Variants in NSUN7 observed in about 807,000 individuals in gnomAD.
The protein encoded by NSUN7 is protein NSUN7.
NSUN7 carries 39 observed loss-of-function variants against 58.5 expected under a neutral mutation model. The observed-to-expected ratio is 0.67, with a 90% confidence interval of 0.52 to 0.87. The LOEUF is 0.87. NSUN7 is among the 40% of genes least tolerant of loss of function. The pLI, the probability that NSUN7 is intolerant of heterozygous loss-of-function variation, is 0.00. For missense variants in NSUN7, 765 were observed against 844.1 expected (o/e 0.91, Z 1.16); for synonymous variants, 278 against 303.7 (o/e 0.92, Z 0.88).
At chr4:40,801,901 C>CAAAAAAAAAAAAAAAAAAAA (rs56868885) in intron 10 of NSUN7, among the ~76,000 whole-genome samples, 4 of 107,402 alleles carry the variant, frequency 3.7e-5, no homozygotes, top group Non-Finnish European at 6.1e-5. Flanking sequence ...GACTCTGTCT[C>CAAAAAAAAAAAAAAAAAAAA]AAAAAAAAAA....
At chr4:40,760,325 AG>A in intron 2 of NSUN7, 108 bp from the exon 3 acceptor site, 1 of 764,530 alleles carries the variant, frequency 1.3e-6, no homozygotes, top group Middle Eastern at 2.3e-4. Context: ...GGTATATTTT[AG>A]ATATGAAAGT....
In NSUN7 at chr4:40,780,792, CATAT is replaced by C. The variant is rs765088042; in HGVS notation, c.1036+4552_1036+4555del. On this transcript the variant is annotated intron_variant, in intron 7 of 11. Transcript: ENST00000381782. ...ACACACACACACACACACACATACA[CATAT>C]ATATATATATATATATATTTTTTTT... is the stretch of plus-strand genomic sequence containing the variant. Among the ~76,000 whole-genome samples, 296 of 98,736 alleles carry C rather than the reference CATAT, an allele frequency of 3.0e-3. 3 individuals are homozygous for C. Among genetic ancestry groups the C allele is most frequent in the African/African-American group, 4.9e-3 (121 of 24,738 alleles). 64.8% of individuals were successfully genotyped at this position (98,736 alleles called of 152,430 possible).
intron 10 of NSUN7, 84 bp downstream of exon 10, chr4:40,798,988 C>A: frequency 4.5e-6 from 2 of 440,300 alleles, no homozygotes; most frequent in Middle Eastern, 7.7e-4. Context: ...TGTATAAAGA[C>A]ATTCTACTTT....
intron 4 of NSUN7, among the ~76,000 whole-genome samples, chr4:40,772,623 A>G (rs781505645): frequency 8.5e-5 from 13 of 152,212 alleles, no homozygotes; most frequent in Non-Finnish European, 1.5e-4. Flanking sequence ...TATTGAGTAG[A>G]TAAGAAATGT....
rs572074679 is a variant in NSUN7 at position 40,757,697 on chromosome 4, A to T, written c.299-2737A>T. On this transcript the variant is annotated intron_variant, in intron 2 of 11. Coordinates refer to ENST00000381782, the MANE Select transcript of NSUN7 (RefSeq NM_024677.6). ...GTGTATATATATACACACTGTGTATATATATACATTGTGTGTGTGTGTATA... is the reference window on the plus strand; with the variant it reads ...GTGTATATATATACACACTGTGTATTTATATACATTGTGTGTGTGTGTATA... Among the ~76,000 whole-genome samples, 177 of 132,484 alleles carry T rather than the reference A, an allele frequency of 1.3e-3. 1 individual carries two copies. The highest frequency in any genetic ancestry group is 5.0e-3 in the African/African-American group (172 of 34,470). 86.9% of individuals were successfully genotyped at this position (132,484 alleles called of 152,430 possible). A position where few individuals can be genotyped will look rare whatever the true frequency, so the allele number is the denominator to read the frequency against.
intron 2 of NSUN7, among the ~76,000 whole-genome samples, chr4:40,757,045 A>G (rs1741174347): frequency 6.6e-6 from 1 of 152,178 alleles, no homozygotes; most frequent in Non-Finnish European, 1.5e-5. Context: ...CCTGGCTAAT[A>G]TGGTGAAACC....
At chr4:40,760,094 A>G (rs1209122081) in intron 2 of NSUN7, among the ~76,000 whole-genome samples, 4 of 152,204 alleles carry the variant, frequency 2.6e-5, no homozygotes, top group Admixed American at 2.6e-4. Flanking sequence ...CATAAAAAGA[A>G]TAAGAAAACT....
chr4:40,800,869 T>C (rs1046448087), intron 10 of NSUN7, among the ~76,000 whole-genome samples: 6 of 152,226 alleles, frequency 3.9e-5, no homozygotes, highest in African/African-American at 1.4e-4. Context: ...CCAGTTCTCA[T>C]TGTCAAAACC....
chr4:40,766,476 C>T (rs1337826103), intron 4 of NSUN7, among the ~76,000 whole-genome samples: 4 of 151,708 alleles, frequency 2.6e-5, no homozygotes, highest in African/African-American at 9.7e-5. Flanking sequence ...CTGCTGGATT[C>T]GGTTTGCCAG....
At position 40,808,485 on chromosome 4, in the gene NSUN7, A is replaced by C. The variant is rs1180045265; in HGVS notation, c.1703A>C (p.Glu568Ala). 6.4e-7 allele frequency: 1 copy of C among 1,568,560 alleles called. No homozygotes were observed. Among genetic ancestry groups the C allele is most frequent in the Non-Finnish European group, 8.7e-7 (1 of 1,154,404 alleles). Residue 568 changes from glutamate (E) to alanine (A), a missense_variant, in exon 12 of 12, where the codon GAG becomes GCG. Transcript: ENST00000381782. ...AATGGCATCCAAATGAAAATTGCTGAGTTCCTGAATCGAGAAACTAAAGCC... is the reference window on the plus strand; with the variant it reads ...AATGGCATCCAAATGAAAATTGCTGCGTTCCTGAATCGAGAAACTAAAGCC... ...TDNGIQMKIA[E>A]FLNRETKASA...
intron 2 of NSUN7, among the ~76,000 whole-genome samples, chr4:40,759,758 C>T (rs1386854169): frequency 6.6e-6 from 1 of 152,086 alleles, no homozygotes; most frequent in Non-Finnish European, 1.5e-5. Flanking sequence ...AAAACATTAG[C>T]AGCCGGGTAT....
chr4:40,771,158 T>C (rs986644607), intron 4 of NSUN7, among the ~76,000 whole-genome samples: 27 of 152,288 alleles, frequency 1.8e-4, no homozygotes, highest in African/African-American at 6.5e-4. Context: ...TATGGAAGAA[T>C]TGAACATGAG....
chr4:40,801,915 A>AG (rs1553919957), intron 10 of NSUN7, among the ~76,000 whole-genome samples: 3 of 150,446 alleles, frequency 2.0e-5, no homozygotes, highest in South Asian at 2.1e-4. Context: ...AAAAAAAAAA[A>AG]AAAAGAAAAG....
chr4:40,752,231 T>G (rs1740871444), intron 2 of NSUN7, among the ~76,000 whole-genome samples: 1 of 152,148 alleles, frequency 6.6e-6, no homozygotes, highest in Admixed American at 6.5e-5. Context: ...TTTTGCATGA[T>G]TTTCTTAGTA....
intron 7 of NSUN7, among the ~76,000 whole-genome samples, chr4:40,783,794 G>T (rs940535082): frequency 4.0e-4 from 60 of 151,730 alleles, no homozygotes; most frequent in African/African-American, 1.3e-3. Context: ...GTTGCAGTGA[G>T]CCAAGATTGT....
intron 9 of NSUN7, among the ~76,000 whole-genome samples, chr4:40,796,143 G>T (rs1275307164): frequency 6.6e-6 from 1 of 152,128 alleles, no homozygotes. Context: ...CAAACCTGGC[G>T]GATCACTTGA....
chr4:40,802,920 G>GA (rs1743651447), intron 10 of NSUN7, among the ~76,000 whole-genome samples: 4 of 141,888 alleles, frequency 2.8e-5, no homozygotes, highest in Admixed American at 7.1e-5. Context: ...GGTATATCTC[G>GA]TGCTAACCCT....
rs1343189541 is a variant in NSUN7, at chr4:40,810,604, G to A, written c.*1665G>A. On this transcript the variant is annotated 3_prime_UTR_variant, in exon 12 of 12. Transcript: ENST00000381782. Reference sequence around the variant, plus strand: ...AAAAAAAAAAAAAAAAAAAAAAAGTGTCAATGAAGAAAGGAAACAAGACTT... The same window carrying A: ...AAAAAAAAAAAAAAAAAAAAAAAGTATCAATGAAGAAAGGAAACAAGACTT... 1.5e-5 allele frequency: 2 copies of A among 132,340 alleles called. No individual in the cohort carries two copies. The highest frequency in any genetic ancestry group is 5.3e-5 in the African/African-American group (2 of 37,508). The allele number at this position is 132,340 out of a possible 1,614,324, so 8.2% of individuals were successfully genotyped here. A position where few individuals can be genotyped will look rare whatever the true frequency, so the allele number is the denominator to read the frequency against.
At position 40,794,405 on chromosome 4, in the gene NSUN7, GA is replaced by G; in HGVS notation, c.1212del (p.Gly405AlafsTer18). The G allele has an allele frequency of 6.2e-7, 1 of 1,610,874 alleles. No homozygotes were observed. The highest frequency in any genetic ancestry group is 8.5e-7 in the Non-Finnish European group (1 of 1,177,764). On this transcript the variant is annotated frameshift_variant, in exon 9 of 12. Transcript: ENST00000381782. LOFTEE classifies it high-confidence loss of function. ...DTEFLKDHSQ[G>X]GISVDKLHVL... Reference sequence around the variant, plus strand: ...GAATTCCTTAAAGATCACTCTCAAGGAGGCATCTCAGTGGACAAACTTCACG... The same window carrying G: ...GAATTCCTTAAAGATCACTCTCAAGGGGCATCTCAGTGGACAAACTTCACG...
Sources: allele counts gnomAD v4.1 joint callset (sites outside exome capture counted in the v4.1 genomes callset), GRCh38; gene constraint gnomAD v4.1.1; transcripts MANE v1.5; gene names NCBI Gene and HGNC (gene_info 2026-07-23, HGNC 2026-07-21).